The following RASSF9 variants were observed in gnomAD, a reference collection of about 807,000 sequenced individuals.
The protein encoded by RASSF9 is Ras association domain family member 9, also known as ras association domain-containing protein 9.
RASSF9 carries 18 observed loss-of-function variants against 21.4 expected under a neutral mutation model. The ratio of observed to expected loss-of-function variants is 0.84; its 90% CI spans 0.58 to 1.25. The LOEUF is 1.25. RASSF9 is among the 50% of genes most tolerant of loss of function. The pLI, the probability that RASSF9 is intolerant of heterozygous loss-of-function variation, is 0.00. For synonymous variants in RASSF9, 183 were observed against 179.1 expected, an observed-to-expected ratio of 1.02 and a Z score of -0.18; for missense variants, 480 against 503.2, an observed-to-expected ratio of 0.95 and a Z score of 0.44.
rs1879780202 is a variant in RASSF9, at chr12:85,804,781, T to A, written c.1229A>T (p.Asp410Val). ...RVFSNYTNDT[D>V]SDTGISSNHS... ...GTTAGAACTGATACCAGTGTCCGAG[T>A]CTGTGTCATTTGTGTAATTGCTAAA... Residue 410 changes from aspartate (D) to valine (V), a missense_variant, in exon 2 of 2, where the codon GAC becomes GTC. Asp to Val is a radical substitution (Grantham distance 152, BLOSUM62 -3). Transcript: ENST00000361228. 1 of 1,613,734 alleles carries A rather than the reference T, an allele frequency of 6.2e-7. No individual in the cohort carries two copies. The highest frequency in any genetic ancestry group is 1.7e-5 in the Admixed American group (1 of 60,000).
At chr12:85,810,807 T>C (rs1024180324) in intron 1 of RASSF9, among the ~76,000 whole-genome samples, 7 of 151,970 alleles carry the variant, frequency 4.6e-5, no homozygotes, top group African/African-American at 1.7e-4. Flanking sequence ...TCTTAACTAA[T>C]GGATTCAAAT....
chr12:85,804,069 C>T lies in RASSF9; in HGVS notation c.*633G>A, dbSNP rs1367136478. 3.3e-5 allele frequency: 5 copies of T among 152,208 alleles called. No homozygotes were observed. The highest frequency in any genetic ancestry group is 3.3e-4 in the Admixed American group (5 of 15,278). 9.4% of individuals were successfully genotyped at this position (152,208 alleles called of 1,614,324 possible). A position where few individuals can be genotyped will look rare whatever the true frequency, so the allele number is the denominator to read the frequency against. On this transcript the variant is annotated 3_prime_UTR_variant, in exon 2 of 2. Coordinates refer to ENST00000361228, the MANE Select transcript of RASSF9 (RefSeq NM_005447.4). ...TAAAAATTGCTGTTTGTATGCAGCA[C>T]TTGGCCCTGCCTCATCTGTACCCTA...
At chr12:85,828,981 A>G (rs975137021) in intron 1 of RASSF9, among the ~76,000 whole-genome samples, 1 of 152,164 alleles carries the variant, frequency 6.6e-6, no homozygotes, top group African/African-American at 2.4e-5. Flanking sequence ...GCTGAAATAG[A>G]TATCCTTTTA....
chr12:85,820,588 A>AT (rs144228256), intron 1 of RASSF9, among the ~76,000 whole-genome samples: 2 of 152,092 alleles, frequency 1.3e-5, no homozygotes, highest in African/African-American at 4.8e-5. Context: ...GAAAAATGTC[A>AT]TTTTTTCCTC....
rs979684492 is a variant in RASSF9, at chr12:85,801,690, C to G, written c.*3012G>C. 4 of 152,412 alleles carry G rather than the reference C, an allele frequency of 2.6e-5. No individual in the cohort carries two copies. Among genetic ancestry groups the G allele is most frequent in the Non-Finnish European group, 5.9e-5 (4 of 68,242 alleles). 9.4% of individuals were successfully genotyped at this position (152,412 alleles called of 1,614,324 possible). A position where few individuals can be genotyped will look rare whatever the true frequency, so the allele number is the denominator to read the frequency against. Reference sequence around the variant, plus strand: ...ATTAGCCTGGCGTGGTGGCGGGCGCCTGTAGTCCCAGCTACTCAGGAGGCT... The same window carrying G: ...ATTAGCCTGGCGTGGTGGCGGGCGCGTGTAGTCCCAGCTACTCAGGAGGCT... On this transcript the variant is annotated 3_prime_UTR_variant, in exon 2 of 2. Coordinates refer to ENST00000361228, the MANE Select transcript of RASSF9 (RefSeq NM_005447.4).
At chr12:85,815,338 A>G (rs1880038044) in intron 1 of RASSF9, among the ~76,000 whole-genome samples, 1 of 152,170 alleles carries the variant, frequency 6.6e-6, no homozygotes, top group African/African-American at 2.4e-5. Flanking sequence ...TAATATGGTC[A>G]CAAAGTCACC....
intron 1 of RASSF9, among the ~76,000 whole-genome samples, chr12:85,826,815 C>T (rs960205318): frequency 6.6e-6 from 1 of 152,070 alleles, no homozygotes; most frequent in Non-Finnish European, 1.5e-5. Flanking sequence ...ATATCATTTT[C>T]TTGCTCATAG....
In RASSF9 at chr12:85,803,587, T is replaced by A. The variant is rs1879749682; in HGVS notation, c.*1115A>T. The A allele has an allele frequency of 6.6e-6, 1 of 152,258 alleles. No individual in the cohort carries two copies. The highest frequency in any genetic ancestry group is 1.5e-5 in the Non-Finnish European group (1 of 68,000). 9.4% of individuals were successfully genotyped at this position (152,258 alleles called of 1,614,324 possible). A position where few individuals can be genotyped will look rare whatever the true frequency, so the allele number is the denominator to read the frequency against. ...AGGGAGAGAGAAGAAAGCACATTTC[T>A]AATTAAAACACAAGCATAGTAGGCC... On this transcript the variant is annotated 3_prime_UTR_variant, in exon 2 of 2. Coordinates refer to ENST00000361228, the MANE Select transcript of RASSF9 (RefSeq NM_005447.4).
intron 1 of RASSF9, among the ~76,000 whole-genome samples, chr12:85,825,729 A>T (rs1290603855): frequency 1.3e-5 from 2 of 152,140 alleles, no homozygotes; most frequent in East Asian, 3.9e-4. Flanking sequence ...TATCTACACA[A>T]GTTTTCTCTG....
At position 85,820,075 on chromosome 12, in the gene RASSF9, G is replaced by A. The variant is rs1013985512; in HGVS notation, c.48-14113C>T. On this transcript the variant is annotated intron_variant, in intron 1 of 1. Transcript: ENST00000361228. The stretch of plus-strand genomic sequence containing the variant: ...GCAAACTATAGCCCTTTGATCACAT[G>A]CAGGCCACCACCAGTTTTTGTATGG... 2.6e-5 allele frequency among the ~76,000 whole-genome samples: 4 copies of A among 152,274 alleles called. No individual in the cohort carries two copies. The East Asian group carries it at 7.7e-4, about 29-fold the overall frequency.
At chr12:85,809,668 A>AATGATGATGATG (rs112741704) in intron 1 of RASSF9, among the ~76,000 whole-genome samples, 8 of 139,178 alleles carry the variant, frequency 5.7e-5, no homozygotes, top group Non-Finnish European at 8.2e-5. Flanking sequence ...GAATAGTAAT[A>AATGATGATGATG]ATGATGATGA....
chr12:85,824,612 G>C (rs1880290011), intron 1 of RASSF9, among the ~76,000 whole-genome samples: 1 of 151,932 alleles, frequency 6.6e-6, no homozygotes, highest in African/African-American at 2.4e-5. Context: ...ACCTGTCTCT[G>C]TCTCTCTTTA....
chr12:85,820,495 C>A (rs1004362897), intron 1 of RASSF9, among the ~76,000 whole-genome samples: 35 of 152,102 alleles, frequency 2.3e-4, no homozygotes, highest in African/African-American at 8.0e-4. Context: ...ATGTATTTGA[C>A]CTTGGCACAA....
chr12:85,833,147 A>G (rs183330572), intron 1 of RASSF9, among the ~76,000 whole-genome samples: 1 of 152,038 alleles, frequency 6.6e-6, no homozygotes, highest in African/African-American at 2.4e-5. Flanking sequence ...CAAAATCCAT[A>G]TAATTATGTG....
Position 85,836,176 on chromosome 12 carries a change from A to G in RASSF9, c.26T>C (p.Leu9Pro). The G allele has an allele frequency of 6.5e-7, 1 of 1,545,626 alleles. No homozygotes were observed. The highest frequency in any genetic ancestry group is 8.7e-7 in the Non-Finnish European group (1 of 1,143,770). The change falls in exon 1 of 2, where the codon CTA (leucine) becomes CCA (proline). Residue 9 changes from leucine to proline, a missense_variant. Coordinates refer to ENST00000361228, the MANE Select transcript of RASSF9 (RefSeq NM_005447.4). MAPFGRNL[L>P]KTRHKNRSPT... is the part of the protein sequence containing the mutation. ...TTACCTGTTTTTATGCCGAGTCTTT[A>G]GCAAGTTTCTTCCAAAGGGAGCCAT...
In RASSF9 at chr12:85,819,210, ATT is replaced by A. The variant is rs11320045; in HGVS notation, c.48-13250_48-13249del. On this transcript the variant is annotated intron_variant, in intron 1 of 1. Transcript: ENST00000361228. ...CTAGGCAATTTTTACTGCTTTAAGC[ATT>A]TTTTTTTTTCTTTTTTTAGAGACAG... Among the ~76,000 whole-genome samples, 911 of 147,424 alleles carry A rather than the reference ATT, an allele frequency of 6.2e-3. 7 individuals are homozygous for A. Among genetic ancestry groups the A allele is most frequent in the African/African-American group, 0.016 (663 of 40,488 alleles).
intron 1 of RASSF9, among the ~76,000 whole-genome samples, chr12:85,815,071 C>G (rs954475116): frequency 9.9e-5 from 15 of 151,776 alleles, no homozygotes; most frequent in Non-Finnish European, 2.1e-4. Flanking sequence ...AGGAAGATTT[C>G]TAGGCACTCA....
intron 1 of RASSF9, among the ~76,000 whole-genome samples, chr12:85,828,159 C>T (rs1231139093): frequency 1.3e-5 from 2 of 151,842 alleles, no homozygotes; most frequent in Admixed American, 6.6e-5. Flanking sequence ...CAATATAACT[C>T]GATATAAATA....
At chr12:85,835,886 G>A (rs1007401060) in intron 1 of RASSF9, among the ~76,000 whole-genome samples, 5 of 152,070 alleles carry the variant, frequency 3.3e-5, no homozygotes, top group African/African-American at 9.7e-5. Context: ...GGTCAAAAGG[G>A]GAGAAAGGAG....
Sources: gnomAD v4.1 joint callset for allele counts (sites outside exome capture counted in the v4.1 genomes callset) on GRCh38, gnomAD v4.1.1 for gene constraint, MANE v1.5 for transcripts, NCBI Gene and HGNC (gene_info 2026-07-23, HGNC 2026-07-21) for gene names.